GON4L: variants seen among roughly 807,000 people sequenced by gnomAD.
GON4L encodes gon-4 like.
In GON4L, 87 loss-of-function variants were observed where a neutral mutation model predicts 211.8. That is an observed-to-expected ratio of 0.41 (90% confidence interval 0.35 to 0.49). The LOEUF (loss-of-function observed/expected upper bound fraction) is 0.49, where lower values mean the gene tolerates loss of function less well. GON4L is among the 20% of genes least tolerant of loss of function. The probability of loss-of-function intolerance (pLI) is 0.15; values close to 1 mark genes in which losing one functional copy is unlikely to be tolerated. For synonymous variants in GON4L, 875 were observed against 962.6 expected (o/e 0.91, Z 1.68); for missense variants, 2,155 against 2,659.5 (o/e 0.81, Z 4.17).
intron 6 of GON4L, among the ~76,000 whole-genome samples, chr1:155,819,044 C>T (rs1040984784): frequency 6.6e-6 from 1 of 152,096 alleles, no homozygotes; most frequent in African/African-American, 2.4e-5. Context: ...AATCCCAGTA[C>T]TTTGGGAGGC....
At chr1:155,759,836 G>T (rs548741247) in intron 24 of GON4L, among the ~76,000 whole-genome samples, 7 of 151,180 alleles carry the variant, frequency 4.6e-5, no homozygotes, top group Non-Finnish European at 8.8e-5. Flanking sequence ...TTCCCAGACC[G>T]CTGTGTATAA....
At chr1:155,813,868 A>G (rs1399557222) in intron 9 of GON4L, 64 bp from the exon 10 acceptor site, 16 of 1,391,912 alleles carry the variant, frequency 1.1e-5, no homozygotes, top group Non-Finnish European at 1.6e-5. Flanking sequence ...AAAGCAAAAA[A>G]AGGAAAAAAA....
At chr1:155,817,329 T>C (rs1375023761) in intron 6 of GON4L, among the ~76,000 whole-genome samples, 2 of 152,176 alleles carry the variant, frequency 1.3e-5, no homozygotes, top group Non-Finnish European at 2.9e-5. Flanking sequence ...ATACTGCTGA[T>C]AAAATGCCAT....
chr1:155,762,367 G>A lies in GON4L; in HGVS notation c.4734C>T (p.Ser1578=), dbSNP rs1661902668. The A allele has an allele frequency of 6.2e-7, 1 of 1,609,868 alleles. No homozygotes were observed. The highest frequency in any genetic ancestry group is 1.3e-5 in the African/African-American group (1 of 75,012). ...VETSRTPPGE[S]IKAAGKGRNN... is the part of the protein sequence containing the mutation. ...TCCGGCCTTTTCCAGCAGCTTTGAT[G>A]CTCTCTCCTTGTAGCACACATGAAA... is the stretch of plus-strand genomic sequence containing the variant. Residue 1578 remains serine, a synonymous_variant, in exon 23 of 32, where the codon AGC becomes AGT. Transcript: ENST00000368331.
chr1:155,765,054 T>C lies in GON4L; in HGVS notation c.4419A>G (p.Glu1473=). The change falls in exon 21 of 32, where the codon GAA becomes GAG. Residue 1473 remains glutamate, a synonymous_variant. Coordinates refer to ENST00000368331, the MANE Select transcript of GON4L (RefSeq NM_001282860.2). ...EDFDDLTQDE[E]DEMSSASEES... ...CCTCAGAAGCTGATGACATTTCATC[T>C]TCCTCATCTTGGGTGAGGTCATCAA... 1.2e-6 allele frequency: 2 copies of C among 1,614,146 alleles called. No individual in the cohort carries two copies. Among genetic ancestry groups the C allele is most frequent in the Non-Finnish European group, 1.7e-6 (2 of 1,179,984 alleles).
At position 155,753,389 on chromosome 1, in the gene GON4L, C is replaced by T. The variant is rs755052259; in HGVS notation, c.5657G>A (p.Ser1886Asn). ...GCCCACCAACTCATGGGGCTCCTTGCTCTTGTAGGATTTGCTGTCACAGAC... is the reference window on the plus strand; with the variant it reads ...GCCCACCAACTCATGGGGCTCCTTGTTCTTGTAGGATTTGCTGTCACAGAC... ...SKVCDSKSYK[S>N]KEPHELVGSS... The change falls in exon 29 of 32, where the codon AGC (serine) becomes AAC (asparagine). Residue 1886 changes from serine (S) to asparagine (N), a missense_variant. Physicochemically the swap from Ser to Asn is conservative, Grantham distance 46. Transcript: ENST00000368331. 9 of 1,613,614 alleles carry T rather than the reference C, an allele frequency of 5.6e-6. No homozygotes were observed. Among genetic ancestry groups the T allele is most frequent in the Non-Finnish European group, 7.6e-6 (9 of 1,179,712 alleles).
At chr1:155,851,311 G>A (rs1263027118) in intron 2 of GON4L, among the ~76,000 whole-genome samples, 2 of 151,326 alleles carry the variant, frequency 1.3e-5, no homozygotes, top group Non-Finnish European at 2.9e-5. Flanking sequence ...CCAAGACTGC[G>A]CCACTGCACT....
At chr1:155,824,998 T>C (rs573891678) in intron 3 of GON4L, among the ~76,000 whole-genome samples, 2 of 150,474 alleles carry the variant, frequency 1.3e-5, no homozygotes, top group Middle Eastern at 3.5e-3. Flanking sequence ...ATAATAATAA[T>C]AAAATAAAAA....
upstream of GON4L, among the ~76,000 whole-genome samples, chr1:155,858,816 C>T (rs1013811266): frequency 6.6e-6 from 1 of 150,558 alleles, no homozygotes; most frequent in South Asian, 2.1e-4. Context: ...AAGCGATCCT[C>T]GTGTCTCAGC....
At chr1:155,833,629 A>G (rs557978489) in intron 2 of GON4L, among the ~76,000 whole-genome samples, 212 of 135,462 alleles carry the variant, frequency 1.6e-3, no homozygotes, top group Non-Finnish European at 2.9e-3. Context: ...CTGGTCAACA[A>G]AGCGAGACTC....
chr1:155,853,913 C>T (rs1282995990), intron 1 of GON4L, 107 bp from the exon 2 acceptor site: 12 of 733,124 alleles, frequency 1.6e-5, no homozygotes, highest in Non-Finnish European at 2.5e-5. Context: ...CAATACTTCA[C>T]ACCAAATGCA....
chr1:155,764,024 A>AC (rs1491144227), intron 21 of GON4L, among the ~76,000 whole-genome samples: 1 of 6,410 alleles, frequency 1.6e-4, no homozygotes, highest in African/African-American at 1.6e-4. Flanking sequence ...AAAAACAAAC[A>AC]AAAAAAAAAC....
chr1:155,774,567 A>T (rs903757820), intron 17 of GON4L, among the ~76,000 whole-genome samples: 1 of 152,080 alleles, frequency 6.6e-6, no homozygotes, highest in African/African-American at 2.4e-5. Context: ...TCGGCCTCCC[A>T]AAGTACTGGG....
chr1:155,783,615 C>T (rs1261071922), intron 14 of GON4L, among the ~76,000 whole-genome samples: 2 of 152,188 alleles, frequency 1.3e-5, no homozygotes, highest in African/African-American at 2.4e-5. Flanking sequence ...TTTTCAGTCA[C>T]ATTTAGCAGA....
Position 155,805,118 on chromosome 1 carries a change from T to A in GON4L, c.1476A>T (p.Ala492=). ...GGGGCATCTTAGAACGCGTTCGAAA[T>A]GCAATGAGACTGTCATCCATGGGCT... ...SFQPMDDSLI[A]FRTRSKMPLK... is the part of the protein sequence containing the mutation. The change falls in exon 11 of 32, where the codon GCA becomes GCT. Residue 492 remains alanine (A), a synonymous_variant. Transcript: ENST00000368331. 1 of 1,613,540 alleles carries A rather than the reference T, an allele frequency of 6.2e-7. No homozygotes were observed. The highest frequency in any genetic ancestry group is 8.5e-7 in the Non-Finnish European group (1 of 1,179,502).
chr1:155,833,177 C>A (rs1669956436), intron 2 of GON4L, among the ~76,000 whole-genome samples: 1 of 152,126 alleles, frequency 6.6e-6, no homozygotes, highest in African/African-American at 2.4e-5. Flanking sequence ...TTTTTAAAAT[C>A]TCTTAATTAC....
At position 155,766,476 on chromosome 1, in the gene GON4L, T is replaced by C; in HGVS notation, c.2997A>G (p.Ser999=). The change falls in exon 21 of 32, where the codon TCA becomes TCG. Residue 999 remains serine (S), a synonymous_variant. Transcript: ENST00000368331. The stretch of plus-strand genomic sequence containing the variant: ...GTTGGATAAGGAGGGGCTTCAGGAC[T>C]GATGAACGCTTCTGTCTCCAAGCCT... ...PRKAWRQKRS[S]VLKPLLIQPS... 2 of 1,614,110 alleles carry C rather than the reference T, an allele frequency of 1.2e-6. No individual in the cohort carries two copies. Among genetic ancestry groups the C allele is most frequent in the East Asian group, 2.2e-5 (1 of 44,882 alleles).
chr1:155,797,509 G>A (rs983175385), intron 11 of GON4L, among the ~76,000 whole-genome samples: 2 of 150,414 alleles, frequency 1.3e-5, no homozygotes, highest in South Asian at 2.1e-4. Flanking sequence ...ACTGGATACC[G>A]TGCCTGGCCA....
chr1:155,836,515 T>C (rs1670335116), intron 2 of GON4L, among the ~76,000 whole-genome samples: 1 of 152,220 alleles, frequency 6.6e-6, no homozygotes, highest in Non-Finnish European at 1.5e-5. Flanking sequence ...CCCAGACTGC[T>C]GGGATTATAG....
Sources: allele counts gnomAD v4.1 joint callset (sites outside exome capture counted in the v4.1 genomes callset), GRCh38; gene constraint gnomAD v4.1.1; transcripts MANE v1.5; gene names NCBI Gene and HGNC (gene_info 2026-07-23, HGNC 2026-07-21).